RGS12: variants seen among roughly 807,000 people sequenced by gnomAD.
The protein encoded by RGS12 is regulator of G-protein signaling 12.
RGS12 carries 66 observed loss-of-function variants against 120.1 expected under a neutral mutation model. The ratio of observed to expected loss-of-function variants is 0.55; its 90% CI spans 0.45 to 0.67. The LOEUF is 0.67. RGS12 is among the 30% of genes least tolerant of loss of function. The pLI, the probability that RGS12 is intolerant of heterozygous loss-of-function variation, is 0.00. For synonymous variants in RGS12, 827 were observed against 804.7 expected, an observed-to-expected ratio of 1.03 and a Z score of -0.47; for missense variants, 1,859 against 1,957.7, an observed-to-expected ratio of 0.95 and a Z score of 0.95.
At chr4:3,300,222 C>A (rs965936771) in intron 1 of RGS12, among the ~76,000 whole-genome samples, 1 of 152,160 alleles carries the variant, frequency 6.6e-6, no homozygotes, top group African/African-American at 2.4e-5. Flanking sequence ...TGGGTCTGGC[C>A]CCCACTGTGT....
At chr4:3,371,794 T>C (rs1717024148) in intron 3 of RGS12, among the ~76,000 whole-genome samples, 2 of 152,062 alleles carry the variant, frequency 1.3e-5, no homozygotes, top group Admixed American at 6.5e-5. Flanking sequence ...TTCTAAAAAA[T>C]GGGAGGGTCA....
At chr4:3,297,217 A>G (rs933914592) in intron 1 of RGS12, among the ~76,000 whole-genome samples, 3 of 152,194 alleles carry the variant, frequency 2.0e-5, no homozygotes, top group South Asian at 2.1e-4. Flanking sequence ...CTCTACTCAC[A>G]TATCTTTTCC....
chr4:3,416,282 G>A (rs1318934994), intron 7 of RGS12, among the ~76,000 whole-genome samples, 161 bp downstream of exon 7: 1 of 151,786 alleles, frequency 6.6e-6, no homozygotes. Flanking sequence ...CAGTAGGGTA[G>A]AGAAACGCAG....
At position 3,316,177 on chromosome 4, in the gene RGS12, A is replaced by AG. The variant is rs780850744; in HGVS notation, c.8dup (p.Ala4SerfsTer66). The stretch of plus-strand genomic sequence containing the variant: ...GTCTTGGAAGCTCATCAGAATGTTT[A>AG]GAGCTGGGGAGGCCTCCAAACGCCC... On this transcript the variant is annotated frameshift_variant, in exon 2 of 18. Coordinates refer to ENST00000336727, the MANE Select transcript of RGS12 (RefSeq NM_001394154.1). LOFTEE classifies it high-confidence loss of function. The AG allele has an allele frequency of 1.9e-6, 3 of 1,551,726 alleles. No homozygotes were observed. The highest frequency in any genetic ancestry group is 2.5e-5 in the South Asian group (2 of 79,814).
At chr4:3,386,874 G>A (rs79617510) in intron 4 of RGS12, among the ~76,000 whole-genome samples, 5,484 of 152,264 alleles carry the variant, frequency 0.036, 191 homozygotes, top group African/African-American at 0.09. Flanking sequence ...TATAATAGAC[G>A]AATTGAGAGT....
At chr4:3,353,794 AC>A (rs1714615704) in intron 3 of RGS12, among the ~76,000 whole-genome samples, 1 of 152,108 alleles carries the variant, frequency 6.6e-6, no homozygotes, top group Non-Finnish European at 1.5e-5. Flanking sequence ...TCCCTTCATA[AC>A]CTGGCTTCCA....
chr4:3,308,946 C>G (rs1023626444), intron 1 of RGS12, among the ~76,000 whole-genome samples: 65 of 152,358 alleles, frequency 4.3e-4, no homozygotes, highest in African/African-American at 1.5e-3. Context: ...CGTGGAGTCC[C>G]AGACGCGGTC....
intron 15 of RGS12, 147 bp from the exon 16 acceptor site, chr4:3,428,411 C>T: frequency 2.5e-6 from 2 of 796,588 alleles, no homozygotes; most frequent in Non-Finnish European, 4.1e-6. Context: ...GTTTGTAATC[C>T]TTATCATTGC....
Position 3,414,804 on chromosome 4 carries a change from G to C in RGS12, c.2243G>C (p.Cys748Ser). 1 of 1,613,728 alleles carries C rather than the reference G, an allele frequency of 6.2e-7. No individual in the cohort carries two copies. The highest frequency in any genetic ancestry group is 8.5e-7 in the Non-Finnish European group (1 of 1,179,690). Residue 748 changes from cysteine to serine, a missense_variant, in exon 6 of 18, where the codon TGT (cysteine) becomes TCT (serine). Cys to Ser is a moderately radical substitution (Grantham distance 112, BLOSUM62 -1). Transcript: ENST00000336727. The part of the protein sequence containing the change: ...SEENILFWQA[C>S]EYFNHVPAHD... Reference sequence around the variant, plus strand: ...GAAAACATTTTATTCTGGCAGGCCTGTGAATATTTTAATCATGTTCCTGCA... The same window carrying C: ...GAAAACATTTTATTCTGGCAGGCCTCTGAATATTTTAATCATGTTCCTGCA...
chr4:3,318,372 C>G (rs1724950976), intron 2 of RGS12, among the ~76,000 whole-genome samples: 1 of 152,222 alleles, frequency 6.6e-6, no homozygotes. Flanking sequence ...CCTTCCTCCC[C>G]TTCCTGCTCC....
At chr4:3,324,201 C>CCCTCGTCAGGCCTTCCCTTGACAGTG (rs1725405262) in intron 2 of RGS12, 1 of 153,328 alleles carries the variant, frequency 6.5e-6, no homozygotes. Context: ...GGGCTTGACG[C>CCCTCGTCAGGCCTTCCCTTGACAGTG]CCTCGTCAGG....
chr4:3,358,617 G>C (rs1715117752), intron 3 of RGS12, among the ~76,000 whole-genome samples: 1 of 151,558 alleles, frequency 6.6e-6, no homozygotes, highest in Admixed American at 6.6e-5. Flanking sequence ...TTGTTAATGG[G>C]GTGTATTACA....
intron 3 of RGS12, among the ~76,000 whole-genome samples, chr4:3,347,300 C>T (rs894689879): frequency 3.9e-5 from 6 of 151,974 alleles, no homozygotes; most frequent in Non-Finnish European, 5.9e-5. Context: ...AAAAATTAGC[C>T]GGGCGTGGTG....
intron 2 of RGS12, among the ~76,000 whole-genome samples, chr4:3,334,077 C>A (rs1326918377): frequency 6.6e-6 from 1 of 152,128 alleles, no homozygotes; most frequent in Non-Finnish European, 1.5e-5. Context: ...ATTGTAAATG[C>A]TTCAACCTGA....
chr4:3,336,697 C>T (rs188667517), intron 2 of RGS12, among the ~76,000 whole-genome samples: 10 of 151,760 alleles, frequency 6.6e-5, no homozygotes, highest in Admixed American at 4.6e-4. Flanking sequence ...GTGTGGGTAA[C>T]GAAAGAAAAA....
At chr4:3,306,414 G>T (rs773188648) in intron 1 of RGS12, among the ~76,000 whole-genome samples, 8 of 152,252 alleles carry the variant, frequency 5.3e-5, no homozygotes, top group Non-Finnish European at 8.8e-5. Flanking sequence ...TGGGGAGTGT[G>T]AGTGTGGGGG....
At position 3,316,874 on chromosome 4, in the gene RGS12, T is replaced by A. The variant is rs769420018; in HGVS notation, c.704T>A (p.Leu235Ter). Residue 235 changes from leucine (L) to a stop codon, truncating the protein, a stop_gained, in exon 2 of 18, where the codon TTA (leucine) becomes TAA (stop). Coordinates refer to ENST00000336727, the MANE Select transcript of RGS12 (RefSeq NM_001394154.1). LOFTEE classifies it high-confidence loss of function. ...ILNVAMIVGY[L>*]GSIELPSTSS... is the part of the protein sequence containing the mutation. ...AACGTGGCGATGATCGTGGGCTACT[T>A]AGGCTCCATTGAGCTTCCTTCCACG... 6.2e-7 allele frequency: 1 copy of A among 1,614,166 alleles called. No individual in the cohort carries two copies. Among genetic ancestry groups the A allele is most frequent in the South Asian group, 1.1e-5 (1 of 91,092 alleles).
chr4:3,428,433 T>G, intron 15 of RGS12, 125 bp from the exon 16 acceptor site: 1 of 887,974 alleles, frequency 1.1e-6, no homozygotes, highest in Non-Finnish European at 1.8e-6. Flanking sequence ...ATGGTTTTTC[T>G]GCAATGCATG....
At chr4:3,292,586 A>G (rs1402497546), upstream of RGS12, among the ~76,000 whole-genome samples, 2 of 152,170 alleles carry the variant, frequency 1.3e-5, no homozygotes, top group Non-Finnish European at 2.9e-5. Flanking sequence ...TTCCTCGGAC[A>G]CCGACGGCGA....
Sources: allele counts gnomAD v4.1 joint callset (sites outside exome capture counted in the v4.1 genomes callset), GRCh38; gene constraint gnomAD v4.1.1; transcripts MANE v1.5; gene names NCBI Gene and HGNC (gene_info 2026-07-23, HGNC 2026-07-21).